The following PDZD2 variants were observed in gnomAD, a reference collection of about 807,000 sequenced individuals.
PDZD2 encodes PDZ domain-containing protein 2.
Under a neutral mutation model 220.7 loss-of-function variants are expected in PDZD2, and 90 were observed. The observed-to-expected ratio is 0.41, with a 90% confidence interval of 0.34 to 0.49. The LOEUF (loss-of-function observed/expected upper bound fraction) is 0.49, where lower values mean the gene tolerates loss of function less well. Among genes scored for constraint, PDZD2 ranks in the 20% least tolerant of loss-of-function variants. The pLI, the probability that PDZD2 is intolerant of heterozygous loss-of-function variation, is 0.28. For missense variants in PDZD2, 3,174 were observed against 3,608.5 expected (o/e 0.88, Z 3.08); for synonymous variants, 1,375 against 1,450.5 (o/e 0.95, Z 1.18).
rs527458232 is a variant in PDZD2 at position 31,701,459 on chromosome 5, C to T, written c.-361+62022C>T. The stretch of plus-strand genomic sequence containing the variant: ...CTACCCACCTCAGCCTCCCAAAGTG[C>T]TCGGATTACAGGTGTGAGCCACTGC... On this transcript the variant is annotated intron_variant, in intron 1 of 24. Transcript: ENST00000438447. Among the ~76,000 whole-genome samples the T allele has an allele frequency of 4.6e-5, 7 of 152,312 alleles. No homozygotes were observed. The South Asian group carries it at 1.5e-3, about 32-fold the overall frequency.
intron 1 of PDZD2, among the ~76,000 whole-genome samples, chr5:31,654,850 A>T (rs185373068): frequency 5.9e-4 from 90 of 152,188 alleles, no homozygotes; most frequent in African/African-American, 1.9e-3. Flanking sequence ...TCTCTGCCCA[A>T]ACCTTCCCAG....
At chr5:31,984,726 G>A (rs965654902) in intron 3 of PDZD2, among the ~76,000 whole-genome samples, 2 of 152,094 alleles carry the variant, frequency 1.3e-5, no homozygotes, top group Non-Finnish European at 2.9e-5. Flanking sequence ...TTAGCTGGGG[G>A]CCTGAGTGAG....
intron 1 of PDZD2, among the ~76,000 whole-genome samples, chr5:31,737,366 G>C (rs1465567406): frequency 6.6e-6 from 1 of 151,768 alleles, no homozygotes; most frequent in South Asian, 2.1e-4. Context: ...TAGAGATGGG[G>C]TTTCACCGTG....
At chr5:31,652,786 G>A (rs1384032844) in intron 1 of PDZD2, among the ~76,000 whole-genome samples, 1 of 152,136 alleles carries the variant, frequency 6.6e-6, no homozygotes, top group Non-Finnish European at 1.5e-5. Context: ...CAAGGCAGGC[G>A]GATCACTTGA....
chr5:31,737,721 C>T (rs1037367628), intron 1 of PDZD2, among the ~76,000 whole-genome samples: 6 of 152,140 alleles, frequency 3.9e-5, no homozygotes, highest in Admixed American at 3.9e-4. Context: ...GGTGGGGAGG[C>T]TGGAGAGCAG....
intron 2 of PDZD2, among the ~76,000 whole-genome samples, chr5:31,912,358 T>C (rs1378540755): frequency 2.0e-5 from 3 of 152,176 alleles, no homozygotes; most frequent in East Asian, 3.9e-4. Flanking sequence ...TTCATGACCT[T>C]ATCGCTTCCC....
intron 1 of PDZD2, among the ~76,000 whole-genome samples, chr5:31,708,199 C>G (rs58447163): frequency 0.11 from 17,331 of 152,238 alleles, 1,513 homozygotes; most frequent in African/African-American, 0.24. Context: ...CTGGCCCTTT[C>G]TGGCCCTTCC....
intron 2 of PDZD2, chr5:31,847,213 C>T (rs1283912500): frequency 5.9e-6 from 1 of 170,840 alleles, no homozygotes; most frequent in East Asian, 1.6e-4. Flanking sequence ...AAGAAGCCCA[C>T]AGAAATGACA....
chr5:32,034,562 T>C (rs1442741948), intron 6 of PDZD2, among the ~76,000 whole-genome samples: 1 of 152,008 alleles, frequency 6.6e-6, no homozygotes, highest in African/African-American at 2.4e-5. Flanking sequence ...GGTTTCACCA[T>C]GTTGGCCGGG....
At chr5:32,018,972 A>G (rs1211580346) in intron 6 of PDZD2, among the ~76,000 whole-genome samples, 2 of 152,130 alleles carry the variant, frequency 1.3e-5, no homozygotes, top group African/African-American at 4.8e-5. Flanking sequence ...AAAGGAGATA[A>G]GAGTAGTTAC....
chr5:31,986,847 T>C (rs943526845), intron 3 of PDZD2, among the ~76,000 whole-genome samples: 1 of 152,222 alleles, frequency 6.6e-6, no homozygotes, highest in South Asian at 2.1e-4. Context: ...TCTAAGACAA[T>C]GTTACATTAA....
At chr5:32,099,821 GCAAT>G (rs1454349634) in intron 23 of PDZD2, 1 of 152,308 alleles carries the variant, frequency 6.6e-6, no homozygotes, top group Non-Finnish European at 1.5e-5. Context: ...ACCCTGCAGA[GCAAT>G]CAATCAAACG....
chr5:31,676,964 G>A (rs1372614689), intron 1 of PDZD2, among the ~76,000 whole-genome samples: 1 of 152,130 alleles, frequency 6.6e-6, no homozygotes, highest in Non-Finnish European at 1.5e-5. Context: ...CAGAGACATG[G>A]CGGATCCTAT....
intron 2 of PDZD2, among the ~76,000 whole-genome samples, chr5:31,899,892 G>A (rs975341463): frequency 5.9e-5 from 9 of 152,294 alleles, no homozygotes; most frequent in South Asian, 2.1e-4. Context: ...TCAACCCGCC[G>A]GGGCCTTGAT....
intron 24 of PDZD2, among the ~76,000 whole-genome samples, chr5:32,102,477 G>A (rs1048881828): frequency 6.6e-6 from 1 of 151,484 alleles, no homozygotes; most frequent in Non-Finnish European, 1.5e-5. Flanking sequence ...CAGAAGACAG[G>A]CATAAATCAG....
intron 7 of PDZD2, among the ~76,000 whole-genome samples, chr5:32,045,548 G>A (rs1737851565): frequency 6.7e-6 from 1 of 149,110 alleles, no homozygotes; most frequent in Non-Finnish European, 1.5e-5. Flanking sequence ...AGCCTCCCGT[G>A]TAGCTGGGAC....
chr5:31,771,478 G>A (rs1336118038), intron 1 of PDZD2, among the ~76,000 whole-genome samples: 1 of 152,152 alleles, frequency 6.6e-6, no homozygotes, highest in Non-Finnish European at 1.5e-5. Context: ...CATTGTGTGT[G>A]CACTGTGTAG....
chr5:32,044,630 C>G (rs1019120687), intron 7 of PDZD2, among the ~76,000 whole-genome samples: 7 of 152,148 alleles, frequency 4.6e-5, no homozygotes, highest in Non-Finnish European at 8.8e-5. Context: ...CTTGAAAAAG[C>G]CAAGAGACTC....
chr5:31,975,025 T>A (rs572858165), intron 2 of PDZD2, among the ~76,000 whole-genome samples: 7 of 152,380 alleles, frequency 4.6e-5, no homozygotes, highest in Non-Finnish European at 1.0e-4. Context: ...AATAAATATT[T>A]ACCCTAATTA....
Sources: gnomAD v4.1 joint callset for allele counts (sites outside exome capture counted in the v4.1 genomes callset) on GRCh38, gnomAD v4.1.1 for gene constraint, MANE v1.5 for transcripts, NCBI Gene and HGNC (gene_info 2026-07-23, HGNC 2026-07-21) for gene names.